The following LAMB2 variants were observed in gnomAD, a reference collection of about 807,000 sequenced individuals.
LAMB2 encodes the protein laminin subunit beta 2, also known as laminin subunit beta-2.
A neutral mutation model predicts 202.7 loss-of-function variants in LAMB2; 119 were observed. The ratio of observed to expected loss-of-function variants is 0.59; its 90% CI spans 0.51 to 0.68. The LOEUF is 0.68. Ranked by LOEUF, LAMB2 falls within the 30% of genes least tolerant of loss-of-function variation. The probability of loss-of-function intolerance (pLI) is 0.00; values close to 1 mark genes in which losing one functional copy is unlikely to be tolerated. For missense variants in LAMB2, 2,124 were observed against 2,410.6 expected (o/e 0.88, Z 2.49); for synonymous variants, 818 against 902.2 (o/e 0.91, Z 1.67).
chr3:49,129,407 T>C lies in LAMB2; in HGVS notation c.1519-83A>G. On this transcript the variant is annotated intron_variant, in intron 11 of 31. Transcript: ENST00000305544. The surrounding 1 kb of genome is among the most constrained non-coding windows in gnomAD (Gnocchi z 6.1). ...AGCAGGAAATCCCAACCACACGTCT[T>C]AGCCTCAATCACCCCTCAGTGAAAA... 7.7e-7 allele frequency: 1 copy of C among 1,295,288 alleles called. No individual in the cohort carries two copies. The highest frequency in any genetic ancestry group is 1.1e-6 in the Non-Finnish European group (1 of 908,482). The allele number at this position is 1,295,288 out of a possible 1,614,324, so 80.2% of individuals were successfully genotyped here. A position where few individuals can be genotyped will look rare whatever the true frequency, so the allele number is the denominator to read the frequency against.
In LAMB2 at chr3:49,123,257, G is replaced by A. The variant is rs554614865; in HGVS notation, c.4099C>T (p.Arg1367Trp). ...PVSNSASARH[R>W]TEALMDAQKE... ...TGAGCATCCATCAGTGCCTCTGTCC[G>A]ATGCCGAGCACTTGCCGAGTTGCTC... Residue 1367 changes from arginine (R) to tryptophan (W), a missense_variant, in exon 26 of 32, where the codon CGG (arginine) becomes TGG (tryptophan). This residue lies in a region of LAMB2 where 1,702 missense variants were observed against 1,896.3 expected (regional missense o/e 0.90). Transcript: ENST00000305544. 21 of 1,614,084 alleles carry A rather than the reference G, an allele frequency of 1.3e-5. No individual in the cohort carries two copies. Among genetic ancestry groups the A allele is most frequent in the African/African-American group, 1.1e-4 (8 of 75,060 alleles).
Position 49,129,433 on chromosome 3 carries a change from C to T in LAMB2, c.1519-109G>A. ...AGCCTCAATCACCCCTCAGTGAAAA[C>T]ATGCCCCCCAGACCACTGGCCCACA... On this transcript the variant is annotated intron_variant, in intron 11 of 31. Coordinates refer to ENST00000305544, the MANE Select transcript of LAMB2 (RefSeq NM_002292.4). The surrounding 1 kb of genome is among the most constrained non-coding windows in gnomAD (Gnocchi z 6.1). The T allele has an allele frequency of 8.7e-7, 1 of 1,151,638 alleles. No homozygotes were observed. Among genetic ancestry groups the T allele is most frequent in the Non-Finnish European group, 1.3e-6 (1 of 783,838 alleles). The allele number at this position is 1,151,638 out of a possible 1,614,324, so 71.3% of individuals were successfully genotyped here. A position where few individuals can be genotyped will look rare whatever the true frequency, so the allele number is the denominator to read the frequency against.
At position 49,121,452 on chromosome 3, in the gene LAMB2, G is replaced by T. The variant is rs755909338; in HGVS notation, c.5241C>A (p.Asp1747Glu). The change falls in exon 31 of 32, where the codon GAC (aspartate) becomes GAA (glutamate). Residue 1747 changes from aspartate (D) to glutamate (E), a missense_variant. Transcript: ENST00000305544. ...EARDLLQAAQ[D>E]KLQRLQELEG... is the part of the protein sequence containing the mutation. The stretch of plus-strand genomic sequence containing the variant: ...TCTTACCCTGTAGCCGCTGCAGCTT[G>T]TCCTGAGCGGCTTGCAACAGGTCCC... 1 of 1,614,032 alleles carries T rather than the reference G, an allele frequency of 6.2e-7. No individual in the cohort carries two copies. Among genetic ancestry groups the T allele is most frequent in the Admixed American group, 1.7e-5 (1 of 60,026 alleles).
Position 49,121,993 on chromosome 3 carries a change from A to G in LAMB2, c.4874T>C (p.Ile1625Thr), listed in dbSNP as rs763488594. ...QRAQGIAQGA[I>T]RGAVADTRDT... ...CCGTGTGTCAGCCACTGCCCCCCGG[A>G]TGGCACCCTGGGCAATACCCTGTGC... The change falls in exon 29 of 32, where the codon ATC becomes ACC. Residue 1625 changes from isoleucine to threonine, a missense_variant. Ile to Thr is a moderately conservative substitution (Grantham distance 89, BLOSUM62 -1). This residue lies in a region of LAMB2 where 1,702 missense variants were observed against 1,896.3 expected (regional missense o/e 0.90). Transcript: ENST00000305544. The G allele has an allele frequency of 6.2e-7, 1 of 1,613,854 alleles. No individual in the cohort carries two copies. The highest frequency in any genetic ancestry group is 8.5e-7 in the Non-Finnish European group (1 of 1,180,010).
intron 27 of LAMB2, 101 bp from the exon 28 acceptor site, chr3:49,122,471 G>T (rs2045338039): frequency 6.9e-6 from 8 of 1,160,542 alleles, no homozygotes; most frequent in Non-Finnish European, 9.1e-6. Flanking sequence ...TGGGATAGGG[G>T]TTTGTTACCA....
chr3:49,130,407 T>C lies in LAMB2; in HGVS notation c.1049A>G (p.His350Arg), dbSNP rs779552343. The part of the protein sequence containing the change: ...HSHACRKCEC[H>R]GHTHSCHFDM... Reference sequence around the variant, plus strand: ...GAAGTGGCAGCTGTGGGTGTGCCCATGGCACTCACACTCTGGCAGGGGAGG... The same window carrying C: ...GAAGTGGCAGCTGTGGGTGTGCCCACGGCACTCACACTCTGGCAGGGGAGG... Residue 350 changes from histidine to arginine, a missense_variant, in exon 9 of 32, where the codon CAT becomes CGT. His to Arg is a conservative substitution (Grantham distance 29). Coordinates refer to ENST00000305544, the MANE Select transcript of LAMB2 (RefSeq NM_002292.4). This position sits in a 1 kb window ranked among gnomAD's most constrained non-coding sequence, Gnocchi z 5.0. The C allele has an allele frequency of 5.6e-6, 9 of 1,613,914 alleles. No homozygotes were observed. In the South Asian group the frequency reaches 7.7e-5, roughly 14 times the overall value.
chr3:49,128,688 A>G lies in LAMB2; in HGVS notation c.1863T>C (p.Tyr621=). The change falls in exon 14 of 32, where the codon TAT becomes TAC. Residue 621 remains tyrosine, a synonymous_variant. Transcript: ENST00000305544. ...GGGGCTCTAAGCGCAGCAGCAGGTC[A>G]TAGTCCATAGCCTTCGGCACAGAGG... The part of the protein sequence containing the change: ...LVASVPKAMD[Y]DLLLRLEPQV... 6.2e-7 allele frequency: 1 copy of G among 1,614,212 alleles called. No homozygotes were observed. Among genetic ancestry groups the G allele is most frequent in the Non-Finnish European group, 8.5e-7 (1 of 1,180,036 alleles).
Position 49,131,234 on chromosome 3 carries a change from A to G in LAMB2, c.713-82T>C. On this transcript the variant is annotated intron_variant, in intron 6 of 31. Coordinates refer to ENST00000305544, the MANE Select transcript of LAMB2 (RefSeq NM_002292.4). This position sits in a 1 kb window ranked among gnomAD's most constrained non-coding sequence, Gnocchi z 5.0. ...ACCCAGGGGCTCAGCTGCCAAGGTC[A>G]CCTTGAAAGACCTCCTATACACTGC... 1.3e-6 allele frequency: 2 copies of G among 1,482,564 alleles called. No individual in the cohort carries two copies. The highest frequency in any genetic ancestry group is 9.3e-7 in the Non-Finnish European group (1 of 1,070,128). The allele number at this position is 1,482,564 out of a possible 1,614,324, so 91.8% of individuals were successfully genotyped here.
In LAMB2 at chr3:49,131,352, GCCAGACTC is replaced by G; in HGVS notation, c.712+19_712+26del. 5.0e-6 allele frequency: 8 copies of G among 1,611,246 alleles called. No individual in the cohort carries two copies. The highest frequency in any genetic ancestry group is 6.8e-6 in the Non-Finnish European group (8 of 1,177,472). ...TAGTCCCTAGCCGGACACGGACTGT[GCCAGACTC>G]AAAGGGTGGAGCACTCACTCTGAAT... On this transcript the variant is annotated intron_variant, in intron 6 of 31. Coordinates refer to ENST00000305544, the MANE Select transcript of LAMB2 (RefSeq NM_002292.4). The surrounding 1 kb of genome is among the most constrained non-coding windows in gnomAD (Gnocchi z 5.0).
Position 49,124,382 on chromosome 3 carries a change from G to T in LAMB2, c.3327+13C>A. On this transcript the variant is annotated intron_variant, in intron 22 of 31. Coordinates refer to ENST00000305544, the MANE Select transcript of LAMB2 (RefSeq NM_002292.4). ...GCCCCATCTAACCAGGGATCTGCAG[G>T]AGGGTCCCATACCTCGTTGCAGGTG... The T allele has an allele frequency of 6.2e-7, 1 of 1,613,310 alleles. No individual in the cohort carries two copies. The highest frequency in any genetic ancestry group is 8.5e-7 in the Non-Finnish European group (1 of 1,179,554).
chr3:49,128,192 C>T (rs1048863286), intron 15 of LAMB2, among the ~76,000 whole-genome samples: 1 of 152,178 alleles, frequency 6.6e-6, no homozygotes, highest in African/African-American at 2.4e-5. Flanking sequence ...CACTGTGGAC[C>T]CTCCTGATAG....
rs1560076637 is a variant in LAMB2 at position 49,131,085 on chromosome 3, G to A, written c.780C>T (p.Leu260=). 6.8e-6 allele frequency: 11 copies of A among 1,613,776 alleles called. No homozygotes were observed. The highest frequency in any genetic ancestry group is 3.3e-5 in the South Asian group (3 of 91,080). The change falls in exon 7 of 32, where the codon CTC becomes CTT. Residue 260 remains leucine (L), a synonymous_variant. Coordinates refer to ENST00000305544, the MANE Select transcript of LAMB2 (RefSeq NM_002292.4). This position sits in a 1 kb window ranked among gnomAD's most constrained non-coding sequence, Gnocchi z 5.0. ...TRLHTLGDNL[L]DPRREIREKY... is the part of the protein sequence containing the mutation. ...TCTCTCGGATCTCCCTCCGTGGGTCGAGTAGGTTGTCTCCCAACGTGTGTA... is the reference window on the plus strand; with the variant it reads ...TCTCTCGGATCTCCCTCCGTGGGTCAAGTAGGTTGTCTCCCAACGTGTGTA...
chr3:49,125,752 C>T lies in LAMB2; in HGVS notation c.2483G>A (p.Cys828Tyr). The T allele has an allele frequency of 1.2e-6, 2 of 1,613,902 alleles. No individual in the cohort carries two copies. The highest frequency in any genetic ancestry group is 2.2e-5 in the East Asian group (1 of 44,864). ...PGYYGFGPTG[C>Y]QACQCSHEGA... ...AACAAGGGGCAGAAGAGTACCTTGACAGCCTGTGGGGCCAAAGCCATAGTA... is the reference window on the plus strand; with the variant it reads ...AACAAGGGGCAGAAGAGTACCTTGATAGCCTGTGGGGCCAAAGCCATAGTA... Residue 828 changes from cysteine to tyrosine, a missense_variant, in exon 18 of 32, where the codon TGT (cysteine) becomes TAT (tyrosine). By Grantham distance (194) the Cys-to-Tyr change is radical. Transcript: ENST00000305544.
At chr3:49,128,014 G>A (rs186451401) in intron 15 of LAMB2, among the ~76,000 whole-genome samples, 70 of 96,720 alleles carry the variant, frequency 7.2e-4, no homozygotes, top group African/African-American at 2.6e-3. Flanking sequence ...GCGAGACTCC[G>A]TCTCAAAAAA....
Position 49,131,471 on chromosome 3 carries a change from C to A in LAMB2, c.649-29G>T, listed in dbSNP as rs753714911. On this transcript the variant is annotated intron_variant, in intron 5 of 31. Transcript: ENST00000305544. This position sits in a 1 kb window ranked among gnomAD's most constrained non-coding sequence, Gnocchi z 5.0. ...GAGAAGCAGGGAGTTCATAGTCACA[C>A]TGGACCTTGCCTCAGGCCCATCATC... is the stretch of plus-strand genomic sequence containing the variant. The A allele has an allele frequency of 3.1e-6, 5 of 1,614,022 alleles. No homozygotes were observed. In the South Asian group the frequency reaches 5.5e-5, roughly 18 times the overall value.
In LAMB2 at chr3:49,130,126, T is replaced by G; in HGVS notation, c.1225+105A>C. 6.3e-7 allele frequency: 1 copy of G among 1,584,360 alleles called. No individual in the cohort carries two copies. The highest frequency in any genetic ancestry group is 1.3e-5 in the African/African-American group (1 of 74,408). On this transcript the variant is annotated intron_variant, in intron 9 of 31. Transcript: ENST00000305544. This position sits in a 1 kb window ranked among gnomAD's most constrained non-coding sequence, Gnocchi z 5.0. Reference sequence around the variant, plus strand: ...ACCCTGGATCCCTGGTCAAGTTCTATCCCAAGCCCCTAACCCCAATTTCCT... The same window carrying G: ...ACCCTGGATCCCTGGTCAAGTTCTAGCCCAAGCCCCTAACCCCAATTTCCT...
chr3:49,122,244 G>C lies in LAMB2; in HGVS notation c.4700C>G (p.Ala1567Gly). The C allele has an allele frequency of 9.3e-6, 15 of 1,613,480 alleles. No homozygotes were observed. Among genetic ancestry groups the C allele is most frequent in the Non-Finnish European group, 1.2e-5 (14 of 1,180,038 alleles). Residue 1567 changes from alanine (A) to glycine (G), a missense_variant, in exon 28 of 32, where the codon GCA becomes GGA. Transcript: ENST00000305544. ...ACGTGCCAGGATCGCATCCACATCT[G>C]CCAGGCTCCGGACTCGCTCTGCAAT... Reference protein sequence around the residue: ...GAIAERVRSLADVDAILARTV... With the variant: ...GAIAERVRSLGDVDAILARTV...
In LAMB2 at chr3:49,129,541, AC is replaced by A; in HGVS notation, c.1518+62del. On this transcript the variant is annotated intron_variant, in intron 11 of 31. Transcript: ENST00000305544. The surrounding 1 kb of genome is among the most constrained non-coding windows in gnomAD (Gnocchi z 6.1). ...ACCCACCCACTGGCATAGATGTGAC[AC>A]CCCAGCCCTGTGCTCTAAGGACAAA... 7.3e-7 allele frequency: 1 copy of A among 1,372,234 alleles called. No individual in the cohort carries two copies. Among genetic ancestry groups the A allele is most frequent in the Non-Finnish European group, 1.0e-6 (1 of 965,420 alleles). The allele number at this position is 1,372,234 out of a possible 1,614,324, so 85.0% of individuals were successfully genotyped here.
chr3:49,124,233 C>T lies in LAMB2; in HGVS notation c.3381G>A (p.Glu1127=). ...GGTCTCCCCAGTGGAGCTCTTGGCA[C>T]TCAGAACAAGTCCGCCCTCCAAAGC... ...RAGFGGRTCS[E]CQELHWGDPG... is the part of the protein sequence containing the mutation. Residue 1127 remains glutamate, a synonymous_variant, in exon 23 of 32, where the codon GAG becomes GAA. Transcript: ENST00000305544. The T allele has an allele frequency of 6.2e-7, 1 of 1,614,010 alleles. No individual in the cohort carries two copies. Among genetic ancestry groups the T allele is most frequent in the South Asian group, 1.1e-5 (1 of 91,068 alleles).
Sources: allele counts gnomAD v4.1 joint callset (sites outside exome capture counted in the v4.1 genomes callset), GRCh38; gene constraint gnomAD v4.1.1; regional missense constraint gnomAD v4.1.1; non-coding constraint Gnocchi (gnomAD v3.1); transcripts MANE v1.5; gene names NCBI Gene and HGNC (gene_info 2026-07-23, HGNC 2026-07-21).